Variants in ARHGEF10 observed in about 807,000 individuals in gnomAD.
ARHGEF10 encodes Rho guanine nucleotide exchange factor 10, also known as Rho guanine nucleotide exchange factor (GEF) 10.
Under a neutral mutation model 147.4 loss-of-function variants are expected in ARHGEF10, and 140 were observed. The observed-to-expected ratio is 0.95, with a 90% CI of 0.83 to 1.09. The LOEUF (loss-of-function observed/expected upper bound fraction) is 1.09. Ranked by LOEUF, ARHGEF10 falls within the 50% of genes least tolerant of loss-of-function variation. The pLI is 0.00. For synonymous variants in ARHGEF10, 902 were observed against 695.8 expected (o/e 1.30, Z -4.67); for missense variants, 2,222 against 1,752.7 (o/e 1.27, Z -4.78).
chr8:1,887,370 A>C (rs1013008796), intron 11 of ARHGEF10, among the ~76,000 whole-genome samples: 3 of 152,342 alleles, frequency 2.0e-5, no homozygotes, highest in Non-Finnish European at 2.9e-5. Context: ...GCTGAAGACC[A>C]GTGGGCAGGA....
chr8:1,857,999 A>G lies in ARHGEF10; in HGVS notation c.77A>G (p.Glu26Gly), dbSNP rs1434824299. The change falls in exon 3 of 29, where the codon GAA becomes GGA. Residue 26 changes from glutamate to glycine, a missense_variant. Coordinates refer to ENST00000349830, the MANE Select transcript of ARHGEF10 (RefSeq NM_014629.4). ...MKYDTNNNEE[E>G]EGEQFDFDSG... ...TATGATACCAATAATAATGAAGAGG[A>G]AGAGGGAGAACAGTTCGATTTTGAC... 6.8e-6 allele frequency: 11 copies of G among 1,613,922 alleles called. No individual in the cohort carries two copies. Among genetic ancestry groups the G allele is most frequent in the Non-Finnish European group, 9.3e-6 (11 of 1,179,990 alleles).
In ARHGEF10 at chr8:1,928,489, C is replaced by G; in HGVS notation, c.2760C>G (p.Pro920=). The G allele has an allele frequency of 6.2e-7, 1 of 1,614,170 alleles. No individual in the cohort carries two copies. The highest frequency in any genetic ancestry group is 8.5e-7 in the Non-Finnish European group (1 of 1,180,044). Residue 920 remains proline, a synonymous_variant, in exon 24 of 29, where the codon CCC becomes CCG. Transcript: ENST00000349830. ...IAIVSFQNST[P]KVIECFNVES... is the part of the protein sequence containing the mutation. Reference sequence around the variant, plus strand: ...TCGTCTCGTTTCAAAATTCCACTCCCAAAGTCATTGAGTGCTTCAACGTGG... The same window carrying G: ...TCGTCTCGTTTCAAAATTCCACTCCGAAAGTCATTGAGTGCTTCAACGTGG...
intron 6 of ARHGEF10, 147 bp downstream of exon 6, chr8:1,866,749 CTG>C: frequency 2.3e-6 from 2 of 874,900 alleles, no homozygotes; most frequent in Non-Finnish European, 3.7e-6. Context: ...CATGGGCTGA[CTG>C]TGCAGAAGTT....
intron 23 of ARHGEF10, chr8:1,927,611 C>T (rs1227250823): frequency 6.6e-6 from 1 of 152,386 alleles, no homozygotes; most frequent in Admixed American, 6.5e-5. Flanking sequence ...ACTGTTGCAG[C>T]AATGCTACTT....
chr8:1,869,386 A>AT (rs1254611130), intron 7 of ARHGEF10, 136 bp downstream of exon 7: 2 of 777,426 alleles, frequency 2.6e-6, no homozygotes, highest in Admixed American at 4.0e-5. Flanking sequence ...AGAATGGCTT[A>AT]TTGATGTGTG....
At chr8:1,881,600 A>T (rs1020990476) in intron 9 of ARHGEF10, among the ~76,000 whole-genome samples, 1 of 150,400 alleles carries the variant, frequency 6.6e-6, no homozygotes, top group African/African-American at 2.5e-5. Flanking sequence ...CAAGTGATGG[A>T]GATGGGCTGG....
At chr8:1,947,081 G>T (rs1055480944) in intron 27 of ARHGEF10, among the ~76,000 whole-genome samples, 3 of 152,228 alleles carry the variant, frequency 2.0e-5, no homozygotes, top group Non-Finnish European at 4.4e-5. Flanking sequence ...TTTCTTTGGA[G>T]CACTCACTGC....
intron 2 of ARHGEF10, among the ~76,000 whole-genome samples, chr8:1,849,818 G>GAT (rs1491564199): frequency 7.5e-6 from 1 of 132,754 alleles, no homozygotes; most frequent in Non-Finnish European, 1.6e-5. Flanking sequence ...CGTGGACACA[G>GAT]GGCAAATGCT....
At chr8:1,902,650 C>T (rs1810560941) in intron 15 of ARHGEF10, among the ~76,000 whole-genome samples, 1 of 152,120 alleles carries the variant, frequency 6.6e-6, no homozygotes, top group South Asian at 2.1e-4. Context: ...CAACCAGGAG[C>T]CTGCGTGGCC....
chr8:1,830,804 G>A (rs1005435803), intron 1 of ARHGEF10, among the ~76,000 whole-genome samples: 2 of 152,214 alleles, frequency 1.3e-5, no homozygotes, highest in African/African-American at 2.4e-5. Flanking sequence ...TACAAGGTGC[G>A]GAGAGGAGGG....
chr8:1,860,012 C>T lies in ARHGEF10; in HGVS notation c.309C>T (p.Asp103=). The stretch of plus-strand genomic sequence containing the variant: ...TCGACATCACGCCATTCCAGGAGGA[C>T]CAGCCGCCCACCCCCGTGCCCAGCG... ...SVIDITPFQE[D]QPPTPVPSAE... The change falls in exon 4 of 29, where the codon GAC becomes GAT. Residue 103 remains aspartate (D), a synonymous_variant. Transcript: ENST00000349830. 6.2e-7 allele frequency: 1 copy of T among 1,614,102 alleles called. No individual in the cohort carries two copies. The highest frequency in any genetic ancestry group is 8.5e-7 in the Non-Finnish European group (1 of 1,179,990).
In ARHGEF10 at chr8:1,833,335, G is replaced by C. The variant is rs879793605; in HGVS notation, c.-48+9222G>C. ...ACAGAAGCAGAGGGAGACAGAGACA[G>C]AGGCAGAGACAGAGGCAGAGAGAGA... On this transcript the variant is annotated intron_variant, in intron 1 of 28. Coordinates refer to ENST00000349830, the MANE Select transcript of ARHGEF10 (RefSeq NM_014629.4). Among the ~76,000 whole-genome samples the C allele has an allele frequency of 3.8e-4, 43 of 112,524 alleles. 1 individual carries two copies. Among genetic ancestry groups the C allele is most frequent in the Non-Finnish European group, 7.6e-4 (40 of 52,740 alleles). 73.8% of individuals were successfully genotyped at this position (112,524 alleles called of 152,430 possible).
At chr8:1,885,295 CT>C (rs1808562174) in intron 10 of ARHGEF10, among the ~76,000 whole-genome samples, 1 of 152,154 alleles carries the variant, frequency 6.6e-6, no homozygotes, top group Non-Finnish European at 1.5e-5. Context: ...AGGAAATATT[CT>C]AAAACACTAA....
chr8:1,889,144 A>AG (rs1197379962), intron 11 of ARHGEF10, among the ~76,000 whole-genome samples: 3 of 71,438 alleles, frequency 4.2e-5, no homozygotes, highest in Admixed American at 1.5e-4. Context: ...GAGTGGGGTG[A>AG]GGGTTGTGAG....
chr8:1,942,873 C>T (rs941526877), intron 26 of ARHGEF10, among the ~76,000 whole-genome samples: 1 of 152,100 alleles, frequency 6.6e-6, no homozygotes, highest in Non-Finnish European at 1.5e-5. Context: ...TATGAAATGT[C>T]AGAACAGGCA....
chr8:1,853,216 G>A (rs995313032), intron 2 of ARHGEF10, among the ~76,000 whole-genome samples: 2 of 152,184 alleles, frequency 1.3e-5, no homozygotes, highest in African/African-American at 4.8e-5. Context: ...GGCAGGAGGG[G>A]CACAGAGCCT....
intron 8 of ARHGEF10, among the ~76,000 whole-genome samples, chr8:1,878,150 C>T (rs1184822999): frequency 6.6e-6 from 1 of 151,982 alleles, no homozygotes; most frequent in Non-Finnish European, 1.5e-5. Flanking sequence ...ATCATTACAA[C>T]TGCGATTTAA....
At chr8:1,908,767 G>A (rs1811118273) in intron 17 of ARHGEF10, among the ~76,000 whole-genome samples, 1 of 149,906 alleles carries the variant, frequency 6.7e-6, no homozygotes, top group Admixed American at 6.7e-5. Context: ...GATAAAAGAA[G>A]AAAATAATCT....
At chr8:1,889,434 TG>T (rs769103408) in intron 11 of ARHGEF10, among the ~76,000 whole-genome samples, 15 of 57,758 alleles carry the variant, frequency 2.6e-4, no homozygotes, top group African/African-American at 1.3e-3. Context: ...GTGAGGGGTC[TG>T]TGAGGAGACA....
Sources: gnomAD v4.1 joint callset for allele counts (sites outside exome capture counted in the v4.1 genomes callset) on GRCh38, gnomAD v4.1.1 for gene constraint, MANE v1.5 for transcripts, NCBI Gene and HGNC (gene_info 2026-07-23, HGNC 2026-07-21) for gene names.